ZNF148: variants seen among roughly 807,000 people sequenced by gnomAD.
The protein encoded by ZNF148 is Beta-Enolase Repressor Factor-1.
In ZNF148, 7 loss-of-function variants were observed where a neutral mutation model predicts 67.7. That is an observed-to-expected ratio of 0.10 (90% confidence interval 0.06 to 0.19). The LOEUF (loss-of-function observed/expected upper bound fraction) is 0.19. ZNF148 is among the 10% of genes least tolerant of loss of function. The pLI is 1.00. For synonymous variants in ZNF148, 333 were observed against 330.7 expected (o/e 1.01, Z -0.08); for missense variants, 583 against 947.1 (o/e 0.62, Z 5.05).
chr3:125,370,346 C>A (rs999141807), intron 1 of ZNF148, among the ~76,000 whole-genome samples: 1 of 152,146 alleles, frequency 6.6e-6, no homozygotes, highest in Non-Finnish European at 1.5e-5. Context: ...TACAATACCC[C>A]CAAAGTACTC....
At chr3:125,343,233 G>A (rs930621829) in intron 1 of ZNF148, among the ~76,000 whole-genome samples, 10 of 152,052 alleles carry the variant, frequency 6.6e-5, no homozygotes, top group African/African-American at 1.7e-4. Context: ...TACCATTGAC[G>A]TGTCAAGGCT....
chr3:125,292,558 T>G (rs996322534), intron 4 of ZNF148: 1 of 152,248 alleles, frequency 6.6e-6, no homozygotes, highest in African/African-American at 2.4e-5. Flanking sequence ...CTTTTCTTCA[T>G]AGCAGTTCTT....
chr3:125,320,465 A>G (rs1559754206), intron 3 of ZNF148, among the ~76,000 whole-genome samples: 2 of 152,210 alleles, frequency 1.3e-5, no homozygotes, highest in South Asian at 2.1e-4. Context: ...AAAGAAATAA[A>G]TATTTCTCAC....
chr3:125,269,824 TC>T (rs1365122247), intron 7 of ZNF148, among the ~76,000 whole-genome samples: 1 of 151,650 alleles, frequency 6.6e-6, no homozygotes, highest in Admixed American at 6.6e-5. Flanking sequence ...GCAGCTGGAG[TC>T]AATCACCCTA....
At chr3:125,269,205 CAA>C (rs71148173) in intron 7 of ZNF148, among the ~76,000 whole-genome samples, 15 of 96,858 alleles carry the variant, frequency 1.5e-4, no homozygotes, top group Non-Finnish European at 1.4e-4. Flanking sequence ...CGGTCTCTAC[CAA>C]AAAAAAAAAA....
intron 4 of ZNF148, among the ~76,000 whole-genome samples, chr3:125,298,921 C>T (rs1340652407): frequency 6.6e-6 from 1 of 152,056 alleles, no homozygotes; most frequent in Non-Finnish European, 1.5e-5. Flanking sequence ...GCCACTGCAC[C>T]CAGCCAAATG....
intron 7 of ZNF148, among the ~76,000 whole-genome samples, chr3:125,252,921 T>C (rs1936908572): frequency 6.6e-6 from 1 of 152,200 alleles, no homozygotes; most frequent in Admixed American, 6.5e-5. Flanking sequence ...TTATACAATG[T>C]TTCAAATGAT....
At chr3:125,283,343 A>G (rs988879840) in intron 5 of ZNF148, among the ~76,000 whole-genome samples, 2 of 152,184 alleles carry the variant, frequency 1.3e-5, no homozygotes, top group Non-Finnish European at 2.9e-5. Context: ...AGCTTTTGAC[A>G]GCACCAGAAC....
chr3:125,291,220 A>C (rs987956), intron 4 of ZNF148, among the ~76,000 whole-genome samples: 117,197 of 152,036 alleles, frequency 0.77, 45,715 homozygotes, highest in African/African-American at 0.85. Context: ...AACCATACCA[A>C]CCTCACTGAC....
At position 125,225,782 on chromosome 3, in the gene ZNF148, CT is replaced by C. The variant is rs1935609476; in HGVS notation, c.*6558del. 6.6e-6 allele frequency: 1 copy of C among 152,098 alleles called. No individual in the cohort carries two copies. The highest frequency in any genetic ancestry group is 1.5e-5 in the Non-Finnish European group (1 of 68,024). The allele number at this position is 152,098 out of a possible 1,614,324, so 9.4% of individuals were successfully genotyped here. ...ACCATTCCTAATCATTCAAGAAAAACTGGGATCTAGGAAATGCATTAGTAGA... is the reference window on the plus strand; with the variant it reads ...ACCATTCCTAATCATTCAAGAAAAACGGGATCTAGGAAATGCATTAGTAGA... On this transcript the variant is annotated 3_prime_UTR_variant, in exon 9 of 9. Coordinates refer to ENST00000360647, the MANE Select transcript of ZNF148 (RefSeq NM_021964.3).
intron 2 of ZNF148, among the ~76,000 whole-genome samples, chr3:125,323,729 G>C (rs943226001): frequency 6.6e-6 from 1 of 152,168 alleles, no homozygotes; most frequent in Non-Finnish European, 1.5e-5. Context: ...GGGAGGCCGA[G>C]GCAGGCGGAT....
intron 7 of ZNF148, among the ~76,000 whole-genome samples, chr3:125,253,346 A>G (rs1274722569): frequency 6.6e-6 from 1 of 152,208 alleles, no homozygotes. Context: ...GTGATAACTG[A>G]TGAATTTACT....
At chr3:125,371,752 T>C (rs2107802907) in intron 1 of ZNF148, among the ~76,000 whole-genome samples, 1 of 150,642 alleles carries the variant, frequency 6.6e-6, no homozygotes, top group African/African-American at 2.4e-5. Flanking sequence ...ACTAAAACTC[T>C]CCAGAAGACT....
At chr3:125,315,745 A>G (rs1242038752) in intron 3 of ZNF148, among the ~76,000 whole-genome samples, 6 of 151,940 alleles carry the variant, frequency 3.9e-5, no homozygotes, top group South Asian at 2.1e-4. Flanking sequence ...AAATATATAC[A>G]TAAGTATATA....
At chr3:125,325,139 C>T (rs1389181302) in intron 2 of ZNF148, among the ~76,000 whole-genome samples, 1 of 151,914 alleles carries the variant, frequency 6.6e-6, no homozygotes, top group African/African-American at 2.4e-5. Flanking sequence ...CTGCAATCAA[C>T]AAATAAGAGA....
chr3:125,312,004 C>A (rs1364087806), intron 4 of ZNF148, among the ~76,000 whole-genome samples: 1 of 152,252 alleles, frequency 6.6e-6, no homozygotes, highest in East Asian at 1.9e-4. Context: ...GTGAATTCTA[C>A]CAAACATTTA....
At chr3:125,287,307 C>T (rs1461365784) in intron 5 of ZNF148, among the ~76,000 whole-genome samples, 6 of 151,892 alleles carry the variant, frequency 4.0e-5, no homozygotes, top group Non-Finnish European at 8.8e-5. Flanking sequence ...CTAGGAATAC[C>T]AAAAATGCTG....
At chr3:125,236,362 C>A (rs1360405629) in intron 7 of ZNF148, among the ~76,000 whole-genome samples, 1 of 152,116 alleles carries the variant, frequency 6.6e-6, no homozygotes, top group African/African-American at 2.4e-5. Flanking sequence ...CTGCGCCTTG[C>A]CCCTTGTGAT....
intron 4 of ZNF148, among the ~76,000 whole-genome samples, chr3:125,306,836 C>T (rs1179738664): frequency 6.6e-6 from 1 of 152,080 alleles, no homozygotes; most frequent in East Asian, 1.9e-4. Flanking sequence ...CTCTGCACTC[C>T]AGCCTGGGCA....
Sources: gnomAD v4.1 joint callset for allele counts (sites outside exome capture counted in the v4.1 genomes callset) on GRCh38, gnomAD v4.1.1 for gene constraint, MANE v1.5 for transcripts, NCBI Gene and HGNC (gene_info 2026-07-23, HGNC 2026-07-21) for gene names.